DIP2C: variants seen among roughly 807,000 people sequenced by gnomAD.
DIP2C encodes DIP2 acetate--CoA ligase C (putative).
Under a neutral mutation model 192.4 loss-of-function variants are expected in DIP2C, and 33 were observed. The ratio of observed to expected loss-of-function variants is 0.17; its 90% CI spans 0.13 to 0.23. DIP2C has a LOEUF of 0.23. Ranked by LOEUF, DIP2C falls within the 10% of genes least tolerant of loss-of-function variation. The probability of loss-of-function intolerance (pLI) is 1.00; values close to 1 mark genes in which losing one functional copy is unlikely to be tolerated. For missense variants in DIP2C, 1,537 were observed against 2,110.1 expected (o/e 0.73, Z 5.32); for synonymous variants, 979 against 864.1 (o/e 1.13, Z -2.33).
chr10:572,949 C>CG (rs1051318239), intron 1 of DIP2C, among the ~76,000 whole-genome samples: 11 of 152,110 alleles, frequency 7.2e-5, no homozygotes, highest in Non-Finnish European at 1.0e-4. Flanking sequence ...AAGATGTCCC[C>CG]GCTCCCTGAA....
At chr10:508,914 G>A (rs894942668) in intron 1 of DIP2C, among the ~76,000 whole-genome samples, 1 of 152,144 alleles carries the variant, frequency 6.6e-6, no homozygotes, top group Admixed American at 6.5e-5. Context: ...ACTCTGACCC[G>A]ACCGTCCACC....
intron 22 of DIP2C, among the ~76,000 whole-genome samples, chr10:361,750 G>A (rs2132716176): frequency 6.6e-6 from 1 of 152,276 alleles, no homozygotes; most frequent in East Asian, 1.9e-4. Flanking sequence ...TCACAAGGCT[G>A]TTTACGTCCC....
chr10:393,424 T>C (rs1193931804), intron 10 of DIP2C, among the ~76,000 whole-genome samples: 1 of 152,116 alleles, frequency 6.6e-6, no homozygotes, highest in African/African-American at 2.4e-5. Context: ...GGCACCCAAA[T>C]GGCCAACAGG....
intron 1 of DIP2C, among the ~76,000 whole-genome samples, chr10:567,358 AT>A (rs994538445): frequency 6.6e-6 from 1 of 151,940 alleles, no homozygotes; most frequent in Non-Finnish European, 1.5e-5. Context: ...CACCCAGCTA[AT>A]TTTTTTATTC....
At chr10:282,280 T>A (rs150202439) in intron 35 of DIP2C, among the ~76,000 whole-genome samples, 4 of 152,248 alleles carry the variant, frequency 2.6e-5, no homozygotes, top group Non-Finnish European at 4.4e-5. Context: ...GTGGCTTTCC[T>A]GGCCTTTCTC....
At chr10:288,032 T>G (rs1181254562) in intron 33 of DIP2C, among the ~76,000 whole-genome samples, 1 of 152,170 alleles carries the variant, frequency 6.6e-6, no homozygotes, top group African/African-American at 2.4e-5. Context: ...CTGGCTGGAA[T>G]GTGGAAATGA....
At chr10:424,756 C>T (rs987238436) in intron 4 of DIP2C, among the ~76,000 whole-genome samples, 1 of 152,176 alleles carries the variant, frequency 6.6e-6, no homozygotes. Flanking sequence ...CCCAGGTGTC[C>T]AGAAGGAGCA....
intron 1 of DIP2C, among the ~76,000 whole-genome samples, chr10:573,460 C>T (rs1259081119): frequency 1.2e-4 from 19 of 152,204 alleles, no homozygotes; most frequent in Non-Finnish European, 7.3e-5. Flanking sequence ...CAAGGCTTGA[C>T]GGCAGGGGCG....
At chr10:542,736 C>T (rs890834114) in intron 1 of DIP2C, among the ~76,000 whole-genome samples, 8 of 151,786 alleles carry the variant, frequency 5.3e-5, no homozygotes, top group African/African-American at 1.5e-4. Flanking sequence ...CAGTTCTTAT[C>T]GGATTGGGGA....
At chr10:405,554 T>C (rs1264113756) in intron 9 of DIP2C, among the ~76,000 whole-genome samples, 1 of 152,244 alleles carries the variant, frequency 6.6e-6, no homozygotes, top group African/African-American at 2.4e-5. Flanking sequence ...ATCATTTTTG[T>C]TAGGCATTCC....
intron 1 of DIP2C, among the ~76,000 whole-genome samples, chr10:592,304 G>T (rs955930122): frequency 1.3e-5 from 2 of 152,100 alleles, no homozygotes; most frequent in African/African-American, 4.8e-5. Flanking sequence ...TGTAATGAGG[G>T]CTCATGTTGC....
At chr10:478,738 T>A (rs946188909) in intron 2 of DIP2C, among the ~76,000 whole-genome samples, 3 of 148,274 alleles carry the variant, frequency 2.0e-5, no homozygotes, top group Admixed American at 1.3e-4. Context: ...TGTAGACACA[T>A]CCAAATTCCC....
At chr10:409,639 G>C (rs1208307219) in intron 8 of DIP2C, among the ~76,000 whole-genome samples, 1 of 152,250 alleles carries the variant, frequency 6.6e-6, no homozygotes, top group Non-Finnish European at 1.5e-5. Context: ...CTGCCACAAA[G>C]TCACTCCCGG....
chr10:532,933 C>T (rs1267563910), intron 1 of DIP2C, among the ~76,000 whole-genome samples: 1 of 152,112 alleles, frequency 6.6e-6, no homozygotes, highest in Non-Finnish European at 1.5e-5. Context: ...TGGGACCGCA[C>T]GTGCACACCA....
intron 1 of DIP2C, among the ~76,000 whole-genome samples, chr10:605,051 C>A (rs1852368047): frequency 6.6e-6 from 1 of 152,236 alleles, no homozygotes; most frequent in South Asian, 2.1e-4. Flanking sequence ...GAGACCACTG[C>A]AACCTTGGAG....
chr10:391,391 G>A (rs117866845), intron 10 of DIP2C, among the ~76,000 whole-genome samples: 2 of 152,368 alleles, frequency 1.3e-5, no homozygotes, highest in East Asian at 3.9e-4. Flanking sequence ...CTCACCCTGA[G>A]CAGCCCAGTC....
chr10:567,837 C>A (rs901632821), intron 1 of DIP2C, among the ~76,000 whole-genome samples: 5 of 151,710 alleles, frequency 3.3e-5, no homozygotes, highest in African/African-American at 1.2e-4. Flanking sequence ...ACCATTTTGG[C>A]CAAGCTGGTC....
rs552135992 is a variant in DIP2C at position 515,648 on chromosome 10, C to T, written c.86-29118G>A. Among the ~76,000 whole-genome samples, 282 of 152,180 alleles carry T rather than the reference C, an allele frequency of 1.9e-3. 1 individual carries two copies. The highest frequency in any genetic ancestry group is 3.4e-3 in the Non-Finnish European group (233 of 68,016). Reference sequence around the variant, plus strand: ...TGAGGCAGGAAGAACTGCCTGAACCCGGGAGGCAGAGGTTGCGGTGAGCCA... The same window carrying T: ...TGAGGCAGGAAGAACTGCCTGAACCTGGGAGGCAGAGGTTGCGGTGAGCCA... On this transcript the variant is annotated intron_variant, in intron 1 of 36. Coordinates refer to ENST00000280886, the MANE Select transcript of DIP2C (RefSeq NM_014974.3).
At chr10:677,082 G>A (rs1471886130) in intron 1 of DIP2C, among the ~76,000 whole-genome samples, 1 of 152,176 alleles carries the variant, frequency 6.6e-6, no homozygotes, top group African/African-American at 2.4e-5. Flanking sequence ...CCATTAAAAA[G>A]AATAATTGTT....
Sources: gnomAD v4.1 joint callset for allele counts (sites outside exome capture counted in the v4.1 genomes callset) on GRCh38, gnomAD v4.1.1 for gene constraint, MANE v1.5 for transcripts, NCBI Gene and HGNC (gene_info 2026-07-23, HGNC 2026-07-21) for gene names.